Variants in DNAH3 observed in about 807,000 individuals in gnomAD.
DNAH3 encodes the protein axonemal beta dynein heavy chain 3.
DNAH3 carries 332 observed loss-of-function variants against 432.5 expected under a neutral mutation model. The ratio of observed to expected loss-of-function variants is 0.77; its 90% CI spans 0.70 to 0.84. The LOEUF (loss-of-function observed/expected upper bound fraction) is 0.84, where lower values mean the gene tolerates loss of function less well. DNAH3 is among the 40% of genes least tolerant of loss of function. The pLI, the probability that DNAH3 is intolerant of heterozygous loss-of-function variation, is 0.00. For synonymous variants in DNAH3, 1,956 were observed against 1,900.2 expected (o/e 1.03, Z -0.76); for missense variants, 4,861 against 5,114.0 (o/e 0.95, Z 1.51).
intron 44 of DNAH3, among the ~76,000 whole-genome samples, chr16:20,996,475 T>C (rs559925691): frequency 2.6e-5 from 4 of 152,146 alleles, no homozygotes; most frequent in Non-Finnish European, 5.9e-5. Flanking sequence ...AACTTTTTTT[T>C]TTGAGACAGA....
chr16:20,965,311 C>T (rs551564037), exon 53 of DNAH3: 15 of 1,612,542 alleles, frequency 9.3e-6, no homozygotes, highest in East Asian at 2.2e-5. Context: ...TTCCCGGATC[C>T]GCTTCATGGT....
chr16:21,030,213 C>T (rs190799535), intron 37 of DNAH3, among the ~76,000 whole-genome samples: 1 of 152,228 alleles, frequency 6.6e-6, no homozygotes. Context: ...TTGTGAGTTC[C>T]TTGACCAACA....
rs1567768519 is a variant in DNAH3 at position 21,086,923 on chromosome 16, CG to C, written c.2802del (p.Ile934MetfsTer19). On this transcript the variant is annotated frameshift_variant, in exon 19 of 62. Coordinates refer to ENST00000261383, the Ensembl canonical transcript of DNAH3. LOFTEE classifies it high-confidence loss of function. ...ATGGGAATGTACTGCTTGAACTTAT[CG>C]ATCTTGATCTTCACATTCTCTGCTA... 1 of 1,614,184 alleles carries C rather than the reference CG, an allele frequency of 6.2e-7. No individual in the cohort carries two copies. Among genetic ancestry groups the C allele is most frequent in the South Asian group, 1.1e-5 (1 of 91,082 alleles).
chr16:21,071,278 G>A lies in DNAH3; in HGVS notation c.3085-452C>T, dbSNP rs550463190. Among the ~76,000 whole-genome samples the A allele has an allele frequency of 7.2e-5, 11 of 152,178 alleles. No homozygotes were observed. In the East Asian group the frequency reaches 2.1e-3, roughly 30 times the overall value. ...GCTGCTCTCAAACTCCTGACCTCAGGTGATCCACCCGCCTCGGCCTCCCAA... is the reference window on the plus strand; with the variant it reads ...GCTGCTCTCAAACTCCTGACCTCAGATGATCCACCCGCCTCGGCCTCCCAA... On this transcript the variant is annotated intron_variant, in intron 21 of 61. Transcript: ENST00000261383.
At chr16:20,970,632 G>C (rs1415988175) in intron 51 of DNAH3, among the ~76,000 whole-genome samples, 1 of 152,168 alleles carries the variant, frequency 6.6e-6, no homozygotes, top group Non-Finnish European at 1.5e-5. Flanking sequence ...AGCATGAAAA[G>C]AGCAATCGGA....
chr16:21,071,799 T>C (rs1043819466), intron 21 of DNAH3, among the ~76,000 whole-genome samples: 6 of 152,100 alleles, frequency 3.9e-5, no homozygotes, highest in Non-Finnish European at 5.9e-5. Context: ...CCAAGACTCA[T>C]AGACATAATC....
intron 4 of DNAH3, 55 bp downstream of exon 5, chr16:21,141,245 T>A: frequency 8.0e-7 from 1 of 1,246,196 alleles, no homozygotes; most frequent in Non-Finnish European, 1.1e-6. Context: ...TGAGACCACA[T>A]CCTTCTGTTC....
intron 1 of DNAH3, chr16:21,159,237 C>A: frequency 1.7e-6 from 2 of 1,192,992 alleles, no homozygotes; most frequent in Non-Finnish European, 2.5e-6. Flanking sequence ...GCTTCTTTAC[C>A]CCCAAATTAA....
intron 12 of DNAH3, among the ~76,000 whole-genome samples, chr16:21,113,789 A>G (rs1189753503): frequency 6.6e-6 from 1 of 152,168 alleles, no homozygotes; most frequent in East Asian, 1.9e-4. Flanking sequence ...GGAAATGATC[A>G]TTAACACCTC....
intron 7 of DNAH3, chr16:21,129,529 G>A (rs2152819161): frequency 7.1e-6 from 1 of 141,588 alleles, no homozygotes; most frequent in African/African-American, 2.7e-5. Flanking sequence ...CAGGAGTTAA[G>A]AGACTAGCCT....
intron 40 of DNAH3, 68 bp downstream of exon 40, chr16:21,021,902 CA>C (rs367559943): frequency 6.4e-3 from 8,280 of 1,292,084 alleles, no homozygotes; most frequent in South Asian, 0.012. Flanking sequence ...GACTTCATCT[CA>C]AAAAAAAAAG....
chr16:21,134,149 C>G (rs1376688369), intron 7 of DNAH3, 110 bp downstream of exon 8: 8 of 1,120,920 alleles, frequency 7.1e-6, no homozygotes, highest in Non-Finnish European at 1.0e-5. Context: ...TTTTTTCTTT[C>G]ATTTCTCTAT....
chr16:21,150,582 T>C (rs149714626), intron 1 of DNAH3, 48 bp from the exon 2 acceptor site: 301 of 210,698 alleles, frequency 1.4e-3, no homozygotes, highest in Non-Finnish European at 2.4e-3. Context: ...GGGACAGCAC[T>C]GGGTTTCTGC....
chr16:21,041,327 T>C (rs573215629), intron 32 of DNAH3, among the ~76,000 whole-genome samples: 4 of 152,154 alleles, frequency 2.6e-5, no homozygotes, highest in African/African-American at 9.6e-5. Flanking sequence ...GCCAAGATCA[T>C]GCCACTGCAT....
At chr16:21,153,761 A>G (rs373897005) in intron 1 of DNAH3, among the ~76,000 whole-genome samples, 2 of 151,960 alleles carry the variant, frequency 1.3e-5, no homozygotes, top group East Asian at 1.9e-4. Flanking sequence ...GAGCTGTAAC[A>G]CTCACCGCGA....
intron 9 of DNAH3, among the ~76,000 whole-genome samples, chr16:21,124,806 T>G (rs2092414048): frequency 6.6e-6 from 1 of 152,118 alleles, no homozygotes; most frequent in South Asian, 2.1e-4. Flanking sequence ...TCCGCCACCA[T>G]GCCAGGAAAA....
chr16:20,944,371 C>A, intron 58 of DNAH3, 125 bp downstream of exon 58: 1 of 1,107,804 alleles, frequency 9.0e-7, no homozygotes, highest in Non-Finnish European at 1.3e-6. Context: ...TCCTTCCCTG[C>A]CCTTGGCCAG....
intron 41 of DNAH3, among the ~76,000 whole-genome samples, chr16:21,016,507 A>G (rs1193002261): frequency 6.6e-6 from 1 of 152,202 alleles, no homozygotes; most frequent in Non-Finnish European, 1.5e-5. Flanking sequence ...TACAGAGAGA[A>G]TACAAGCACT....
intron 18 of DNAH3, among the ~76,000 whole-genome samples, chr16:21,088,200 A>T (rs572972208): frequency 7.9e-5 from 12 of 152,262 alleles, no homozygotes; most frequent in Middle Eastern, 3.4e-3. Flanking sequence ...TAAAAATTTA[A>T]ATTAAAAAAA....
Sources: gnomAD v4.1 joint callset for allele counts (sites outside exome capture counted in the v4.1 genomes callset) on GRCh38, gnomAD v4.1.1 for gene constraint, MANE v1.5 for transcripts, NCBI Gene and HGNC (gene_info 2026-07-23, HGNC 2026-07-21) for gene names.